The following MEGF11 variants were observed in gnomAD, a reference collection of about 807,000 sequenced individuals.
MEGF11 encodes the protein multiple epidermal growth factor-like domains protein 11.
Under a neutral mutation model 146.6 loss-of-function variants are expected in MEGF11, and 126 were observed. The ratio of observed to expected loss-of-function variants is 0.86; its 90% CI spans 0.74 to 1.00. MEGF11 has a LOEUF of 1.00. Among genes scored for constraint, MEGF11 ranks in the 50% least tolerant of loss-of-function variants. MEGF11 has a pLI of 0.00. For missense variants in MEGF11, 1,509 were observed against 1,521.2 expected (o/e 0.99, Z 0.13); for synonymous variants, 532 against 583.4 (o/e 0.91, Z 1.27).
intron 5 of MEGF11, among the ~76,000 whole-genome samples, chr15:66,089,446 C>T (rs1597072030): frequency 6.6e-6 from 1 of 152,184 alleles, no homozygotes. Context: ...CAGCCTTCTC[C>T]CTCATCTCTA....
At chr15:65,928,881 C>T (rs2079469916) in intron 12 of MEGF11, among the ~76,000 whole-genome samples, 1 of 152,136 alleles carries the variant, frequency 6.6e-6, no homozygotes. Context: ...AATGAAAGTG[C>T]ACTTTGCAGA....
At chr15:66,232,983 T>C (rs925336240) in intron 1 of MEGF11, among the ~76,000 whole-genome samples, 1 of 152,102 alleles carries the variant, frequency 6.6e-6, no homozygotes, top group African/African-American at 2.4e-5. Context: ...GAGGATGCCA[T>C]AGGGCTATGA....
rs140378041 is a variant in MEGF11 at position 66,077,555 on chromosome 15, G to A, written c.394+16847C>T. ...TCCACCTCCAGAAGGAACGAAAGAC[G>A]TGATAAGACAGGAGAGCAAGTCTAC... is the stretch of plus-strand genomic sequence containing the variant. On this transcript the variant is annotated intron_variant, in intron 5 of 25. Transcript: ENST00000395614. Among the ~76,000 whole-genome samples, 36 of 152,324 alleles carry A rather than the reference G, an allele frequency of 2.4e-4. No individual in the cohort carries two copies. The East Asian group carries it at 5.0e-3, about 21-fold the overall frequency.
intron 12 of MEGF11, among the ~76,000 whole-genome samples, chr15:65,928,935 C>T (rs2141293354): frequency 6.6e-6 from 1 of 152,250 alleles, no homozygotes; most frequent in Admixed American, 6.5e-5. Context: ...ATGATTTATT[C>T]TTTGTTGCCG....
Position 65,937,339 on chromosome 15 carries a change from T to C in MEGF11, c.1288-6396A>G, listed in dbSNP as rs559230495. ...CATGTGCTTTGCTTAGCCTAGCAACTCTGCCTACTCCCTCAGCCAGGCCTG... is the reference window on the plus strand; with the variant it reads ...CATGTGCTTTGCTTAGCCTAGCAACCCTGCCTACTCCCTCAGCCAGGCCTG... On this transcript the variant is annotated intron_variant, in intron 10 of 25. Transcript: ENST00000395614. Among the ~76,000 whole-genome samples the C allele has an allele frequency of 1.2e-4, 19 of 152,352 alleles. No individual in the cohort carries two copies. In the East Asian group the frequency reaches 3.7e-3, roughly 29 times the overall value.
intron 10 of MEGF11, among the ~76,000 whole-genome samples, chr15:65,954,804 G>A (rs1180509232): frequency 6.6e-6 from 1 of 152,196 alleles, no homozygotes; most frequent in East Asian, 1.9e-4. Context: ...AGGCCTTTCT[G>A]GGGCCCCAGT....
At chr15:66,012,621 A>G (rs540163405) in intron 5 of MEGF11, among the ~76,000 whole-genome samples, 5 of 152,374 alleles carry the variant, frequency 3.3e-5, no homozygotes, top group African/African-American at 9.6e-5. Flanking sequence ...TTGGGCCTGT[A>G]GAGTTATCCC....
chr15:66,136,308 C>T (rs1199413906), intron 1 of MEGF11, among the ~76,000 whole-genome samples: 3 of 152,174 alleles, frequency 2.0e-5, no homozygotes, highest in Non-Finnish European at 4.4e-5. Flanking sequence ...GTCCAATCTT[C>T]GGCACCCTTT....
intron 5 of MEGF11, among the ~76,000 whole-genome samples, chr15:66,088,633 C>T (rs1459342161): frequency 4.8e-5 from 7 of 147,086 alleles, no homozygotes; most frequent in Non-Finnish European, 7.4e-5. Context: ...CCAGCCTGGG[C>T]GACAGAGCAA....
At chr15:65,969,126 T>C (rs2081216310) in intron 8 of MEGF11, among the ~76,000 whole-genome samples, 1 of 152,034 alleles carries the variant, frequency 6.6e-6, no homozygotes, top group Admixed American at 6.6e-5. Flanking sequence ...GCAGAGAGAT[T>C]TTGGATTCTT....
rs115059181 is a variant in MEGF11, at chr15:65,971,787, A to G, written c.763-1098T>C. ...TGAACAGATGGCCAAGGATCACCAG[A>G]TATTTGAAATAGGCCCTCACATGAA... On this transcript the variant is annotated intron_variant, in intron 7 of 25. Transcript: ENST00000395614. Among the ~76,000 whole-genome samples, 627 of 152,306 alleles carry G rather than the reference A, an allele frequency of 4.1e-3. 3 individuals carry two copies. The highest frequency in any genetic ancestry group is 0.014 in the African/African-American group (596 of 41,558).
At chr15:65,922,992 G>C in intron 13 of MEGF11, 23 bp from the exon 14 acceptor site, 1 of 1,609,598 alleles carries the variant, frequency 6.2e-7, no homozygotes, top group Non-Finnish European at 8.5e-7. Context: ...GGCAGACTCG[G>C]GTCAGTGGTA....
intron 9 of MEGF11, among the ~76,000 whole-genome samples, chr15:65,958,231 GCCT>G (rs769846252): frequency 6.6e-6 from 1 of 152,222 alleles, no homozygotes; most frequent in Admixed American, 6.5e-5. Flanking sequence ...GCCAGATGTG[GCCT>G]CCTCTCTCTG....
intron 4 of MEGF11, among the ~76,000 whole-genome samples, chr15:66,104,921 G>C (rs1258787613): frequency 6.6e-6 from 1 of 152,138 alleles, no homozygotes; most frequent in Non-Finnish European, 1.5e-5. Flanking sequence ...CCAGAAGCCA[G>C]AGTTGGGGAG....
intron 1 of MEGF11, among the ~76,000 whole-genome samples, chr15:66,141,332 G>A (rs1164581222): frequency 1.4e-5 from 2 of 142,870 alleles, no homozygotes; most frequent in Non-Finnish European, 3.0e-5. Flanking sequence ...CATCTCTTTG[G>A]ATCAGAGCTT....
chr15:66,235,277 G>A (rs1257160567), intron 1 of MEGF11, among the ~76,000 whole-genome samples: 1 of 152,136 alleles, frequency 6.6e-6, no homozygotes, highest in African/African-American at 2.4e-5. Context: ...CTGAGGAGGA[G>A]GATTGCTTGA....
At chr15:66,064,052 C>T (rs566013741) in intron 5 of MEGF11, among the ~76,000 whole-genome samples, 21 of 152,272 alleles carry the variant, frequency 1.4e-4, no homozygotes, top group African/African-American at 4.3e-4. Context: ...CCACCTAGCA[C>T]GTTGATGAAA....
At chr15:66,119,031 T>G in intron 4 of MEGF11, 55 bp downstream of exon 4, 10 of 799,114 alleles carry the variant, frequency 1.3e-5, no homozygotes, top group Non-Finnish European at 1.8e-5. Context: ...CCTCCCCTCC[T>G]TTTGCCTCTC....
chr15:66,230,938 C>T (rs1214396573), intron 1 of MEGF11, among the ~76,000 whole-genome samples: 1 of 152,180 alleles, frequency 6.6e-6, no homozygotes, highest in Non-Finnish European at 1.5e-5. Context: ...AGAGAGGCAG[C>T]GTTCCCATTC....
Sources: gnomAD v4.1 joint callset for allele counts (sites outside exome capture counted in the v4.1 genomes callset) on GRCh38, gnomAD v4.1.1 for gene constraint, MANE v1.5 for transcripts, NCBI Gene and HGNC (gene_info 2026-07-23, HGNC 2026-07-21) for gene names.